Variants in SYT1 observed in about 807,000 individuals in gnomAD.
SYT1 encodes the protein synaptotagmin 1.
SYT1 carries 8 observed loss-of-function variants against 44.8 expected under a neutral mutation model. That is an observed-to-expected ratio of 0.18 (90% CI 0.10 to 0.32). The LOEUF (loss-of-function observed/expected upper bound fraction) is 0.32, where lower values mean the gene tolerates loss of function less well. Among genes scored for constraint, SYT1 ranks in the 10% least tolerant of loss-of-function variants. SYT1 has a pLI of 1.00. For synonymous variants in SYT1, 154 were observed against 188.8 expected (o/e 0.82, Z 1.51); for missense variants, 286 against 509.3 (o/e 0.56, Z 4.22).
At chr12:79,122,002 T>C (rs1196234577) in intron 3 of SYT1, among the ~76,000 whole-genome samples, 1 of 152,240 alleles carries the variant, frequency 6.6e-6, no homozygotes, top group Non-Finnish European at 1.5e-5. Context: ...CACAGATTAA[T>C]GAAAATATTC....
chr12:79,279,597 G>A (rs1299481694), intron 4 of SYT1, among the ~76,000 whole-genome samples: 2 of 152,036 alleles, frequency 1.3e-5, no homozygotes, highest in African/African-American at 4.8e-5. Flanking sequence ...ACCAGAACAA[G>A]ACAAGGGCTC....
intron 3 of SYT1, among the ~76,000 whole-genome samples, chr12:79,216,420 T>C (rs1159566207): frequency 6.6e-6 from 1 of 152,208 alleles, no homozygotes; most frequent in Non-Finnish European, 1.5e-5. Flanking sequence ...TCTTAAGTTC[T>C]GCAGGAAAAT....
At chr12:79,140,528 T>C (rs57681648) in intron 3 of SYT1, among the ~76,000 whole-genome samples, 1 of 152,144 alleles carries the variant, frequency 6.6e-6, no homozygotes, top group South Asian at 2.1e-4. Flanking sequence ...TTAGATCAAA[T>C]GAATGTGTTT....
intron 3 of SYT1, among the ~76,000 whole-genome samples, chr12:79,077,120 T>C (rs551879402): frequency 6.6e-6 from 1 of 152,254 alleles, no homozygotes; most frequent in South Asian, 2.1e-4. Flanking sequence ...TTTTCTACTT[T>C]GGTCTGCTGC....
In SYT1 at chr12:79,020,771, G is replaced by A. The variant is rs115547639; in HGVS notation, c.-83-26526G>A. Among the ~76,000 whole-genome samples the A allele has an allele frequency of 5.9e-4, 90 of 151,986 alleles. 2 individuals are homozygous for A. Among genetic ancestry groups the A allele is most frequent in the African/African-American group, 2.1e-3 (89 of 41,498 alleles). ...AATGCATCATTCTAATGTTTAAATA[G>A]CATTTACTCTATGAACTCTTTGAAG... On this transcript the variant is annotated intron_variant, in intron 2 of 10. Transcript: ENST00000261205.
At chr12:79,397,519 T>A (rs1041375487) in intron 9 of SYT1, among the ~76,000 whole-genome samples, 10 of 152,156 alleles carry the variant, frequency 6.6e-5, no homozygotes, top group Non-Finnish European at 1.2e-4. Context: ...TGAGCTACCA[T>A]GCGTGGCCCA....
chr12:79,401,914 C>T (rs557775936), intron 9 of SYT1, among the ~76,000 whole-genome samples: 4 of 152,100 alleles, frequency 2.6e-5, no homozygotes, highest in Non-Finnish European at 5.9e-5. Flanking sequence ...AGCGATCCTC[C>T]CACCTTGACC....
chr12:78,946,195 A>G (rs560408141), intron 1 of SYT1, among the ~76,000 whole-genome samples: 13 of 152,316 alleles, frequency 8.5e-5, no homozygotes, highest in African/African-American at 2.9e-4. Flanking sequence ...ACATTTCCAA[A>G]AGATCATCTC....
intron 9 of SYT1, 142 bp downstream of exon 9, chr12:79,353,761 C>G: frequency 1.5e-6 from 1 of 659,734 alleles, no homozygotes; most frequent in Non-Finnish European, 2.7e-6. Context: ...TCTCAGAATT[C>G]ATCCCAACAC....
intron 2 of SYT1, among the ~76,000 whole-genome samples, chr12:79,036,945 G>A (rs1027945997): frequency 2.0e-5 from 3 of 151,786 alleles, no homozygotes; most frequent in Non-Finnish European, 4.4e-5. Context: ...GGTCAGAATA[G>A]ATGAAGTGAT....
intron 9 of SYT1, among the ~76,000 whole-genome samples, chr12:79,426,839 A>C (rs955044968): frequency 1.3e-5 from 2 of 152,184 alleles, no homozygotes; most frequent in Non-Finnish European, 2.9e-5. Context: ...CCACATGTCA[A>C]GGGTGGGACC....
At chr12:79,265,599 A>G (rs1878082062) in intron 4 of SYT1, among the ~76,000 whole-genome samples, 1 of 152,124 alleles carries the variant, frequency 6.6e-6, no homozygotes, top group Admixed American at 6.6e-5. Context: ...TGAAAGCTGA[A>G]CCCCAAGGAC....
intron 1 of SYT1, among the ~76,000 whole-genome samples, chr12:78,883,293 A>G (rs1252367756): frequency 6.6e-6 from 1 of 151,694 alleles, no homozygotes; most frequent in Non-Finnish European, 1.5e-5. Flanking sequence ...CTAGCAATAC[A>G]TGGCACATAC....
At chr12:79,251,943 G>T (rs7134523) in intron 4 of SYT1, among the ~76,000 whole-genome samples, 1,540 of 150,954 alleles carry the variant, frequency 0.01, 28 homozygotes, top group African/African-American at 0.035. Context: ...ACAGTGTTAT[G>T]GTAGTTGAAT....
intron 1 of SYT1, among the ~76,000 whole-genome samples, chr12:78,959,900 T>C (rs1397167791): frequency 6.6e-6 from 1 of 152,186 alleles, no homozygotes; most frequent in Non-Finnish European, 1.5e-5. Context: ...TCTGAAGAAT[T>C]GTGGTTATAG....
intron 3 of SYT1, among the ~76,000 whole-genome samples, chr12:79,105,707 C>G (rs990040602): frequency 1.3e-5 from 2 of 151,938 alleles, no homozygotes; most frequent in African/African-American, 2.4e-5. Flanking sequence ...GGTGAAACCC[C>G]GTCTCTACTA....
intron 3 of SYT1, among the ~76,000 whole-genome samples, chr12:79,191,388 T>C (rs1873114872): frequency 1.3e-5 from 2 of 152,146 alleles, no homozygotes. Context: ...TATTTTGCTG[T>C]TCAAAGACAT....
intron 3 of SYT1, among the ~76,000 whole-genome samples, chr12:79,155,681 C>T (rs985800848): frequency 6.6e-6 from 1 of 152,162 alleles, no homozygotes; most frequent in South Asian, 2.1e-4. Context: ...TCCATCAATG[C>T]ATTCTTTATC....
chr12:79,238,335 C>G (rs1592885132), intron 4 of SYT1, among the ~76,000 whole-genome samples: 1 of 152,070 alleles, frequency 6.6e-6, no homozygotes, highest in Non-Finnish European at 1.5e-5. Context: ...AAAGAAATAG[C>G]TAGACATATA....
Sources: gnomAD v4.1 joint callset for allele counts (sites outside exome capture counted in the v4.1 genomes callset) on GRCh38, gnomAD v4.1.1 for gene constraint, MANE v1.5 for transcripts, NCBI Gene and HGNC (gene_info 2026-07-23, HGNC 2026-07-21) for gene names.